TRPM2: variants seen among roughly 807,000 people sequenced by gnomAD.
TRPM2 encodes estrogen-responsive element-associated gene 1 protein.
Under a neutral mutation model 174.0 loss-of-function variants are expected in TRPM2, and 161 were observed. That is an observed-to-expected ratio of 0.93 (90% confidence interval 0.81 to 1.05). TRPM2 has a LOEUF of 1.05. TRPM2 is among the 50% of genes least tolerant of loss of function. The pLI, the probability that TRPM2 is intolerant of heterozygous loss-of-function variation, is 0.00. For synonymous variants in TRPM2, 954 were observed against 861.3 expected (o/e 1.11, Z -1.88); for missense variants, 2,057 against 2,038.0 (o/e 1.01, Z -0.18).
In TRPM2 at chr21:44,440,882, G is replaced by A. The variant is rs779425920; in HGVS notation, c.4363G>A (p.Val1455Met). ...CGTCCACTTCCAGGACCAGAATGACGTGGAGCTGAACAGGCTGAACTCTGT... is the reference window on the plus strand; with the variant it reads ...CGTCCACTTCCAGGACCAGAATGACATGGAGCTGAACAGGCTGAACTCTGT... ...VSVHFQDQNDVELNRLNSNLH... is the reference protein window; with the variant it reads ...VSVHFQDQNDMELNRLNSNLH... Residue 1455 changes from valine to methionine, a missense_variant, in exon 31 of 32, where the codon GTG becomes ATG. Physicochemically the swap from Val to Met is conservative, Grantham distance 21. Transcript: ENST00000397928. The A allele has an allele frequency of 1.2e-5, 19 of 1,613,792 alleles. No individual in the cohort carries two copies. The highest frequency in any genetic ancestry group is 5.0e-5 in the Admixed American group (3 of 60,010).
chr21:44,437,699 C>T (rs2051333652), intron 29 of TRPM2, among the ~76,000 whole-genome samples: 1 of 152,200 alleles, frequency 6.6e-6, no homozygotes, highest in South Asian at 2.1e-4. Context: ...CTGGAGCGCA[C>T]CCCAGCATCT....
rs1469860760 is a variant in TRPM2 at position 44,366,719 on chromosome 21, C to T, written c.424-35C>T. On this transcript the variant is annotated intron_variant, in intron 3 of 31. Transcript: ENST00000397928. This position sits in a 1 kb window ranked among gnomAD's most constrained non-coding sequence, Gnocchi z 6.0. ...TCGGTGCTGTCCCTGACCACTGACACACAGGTTCCCTCCGCCGTTTTCCCT... is the reference window on the plus strand; with the variant it reads ...TCGGTGCTGTCCCTGACCACTGACATACAGGTTCCCTCCGCCGTTTTCCCT... 1 of 1,612,856 alleles carries T rather than the reference C, an allele frequency of 6.2e-7. No homozygotes were observed. Among genetic ancestry groups the T allele is most frequent in the Non-Finnish European group, 8.5e-7 (1 of 1,179,878 alleles).
intron 11 of TRPM2, among the ~76,000 whole-genome samples, chr21:44,393,759 T>G (rs1287090710): frequency 3.1e-5 from 4 of 130,816 alleles, no homozygotes; most frequent in East Asian, 2.2e-4. Flanking sequence ...AAGATCACAT[T>G]TTTTTTTTTT....
intron 11 of TRPM2, among the ~76,000 whole-genome samples, chr21:44,392,820 G>A (rs2838557): frequency 0.27 from 41,704 of 151,936 alleles, 6,633 homozygotes; most frequent in African/African-American, 0.45. Flanking sequence ...GCTGCCCACT[G>A]TGTATGCTGG....
chr21:44,382,415 T>C (rs957613560), intron 8 of TRPM2, among the ~76,000 whole-genome samples: 16 of 152,174 alleles, frequency 1.1e-4, no homozygotes, highest in African/African-American at 3.9e-4. Context: ...AGGAGTGGCC[T>C]GGGCTTAGCA....
intron 5 of TRPM2, among the ~76,000 whole-genome samples, chr21:44,371,929 T>G (rs550883397): frequency 6.6e-6 from 1 of 152,172 alleles, no homozygotes; most frequent in Non-Finnish European, 1.5e-5. Context: ...GGACAAAAGT[T>G]CAAGACCAGC....
chr21:44,399,226 C>T lies in TRPM2; in HGVS notation c.2063-70C>T, dbSNP rs2049527071. 6.4e-7 allele frequency: 1 copy of T among 1,554,304 alleles called. No homozygotes were observed. Among genetic ancestry groups the T allele is most frequent in the Non-Finnish European group, 8.7e-7 (1 of 1,146,302 alleles). Reference sequence around the variant, plus strand: ...GGTGGTGCTGTCCCGAGTGGTTGCCCTCTGACCCGTCCCCAGGGCTCAGTG... The same window carrying T: ...GGTGGTGCTGTCCCGAGTGGTTGCCTTCTGACCCGTCCCCAGGGCTCAGTG... On this transcript the variant is annotated intron_variant, in intron 13 of 31. Transcript: ENST00000397928. The surrounding 1 kb of genome is among the most constrained non-coding windows in gnomAD (Gnocchi z 4.6).
intron 19 of TRPM2, among the ~76,000 whole-genome samples, chr21:44,411,697 C>T (rs181952523): frequency 1.3e-5 from 2 of 152,166 alleles, no homozygotes; most frequent in Admixed American, 6.6e-5. Context: ...AGGGAACAAG[C>T]CTTTCACCAT....
chr21:44,401,647 G>T, intron 15 of TRPM2, 34 bp from the exon 16 acceptor site: 2 of 1,605,668 alleles, frequency 1.2e-6, no homozygotes, highest in Non-Finnish European at 1.7e-6. Context: ...TGGCCCTGGT[G>T]GTCACTGTCT....
rs768914740 is a variant in TRPM2, at chr21:44,439,028, G to A, written c.4168-39G>A. On this transcript the variant is annotated intron_variant, in intron 29 of 31. Coordinates refer to ENST00000397928, the MANE Select transcript of TRPM2 (RefSeq NM_003307.4). The surrounding 1 kb of genome is among the most constrained non-coding windows in gnomAD (Gnocchi z 5.1). ...CCAGGGCAGCCTGAGGTCCCGCTTC[G>A]GTGCCCTGTTGACCTGCCTCCGTCC... 3.0e-5 allele frequency: 47 copies of A among 1,571,538 alleles called. No individual in the cohort carries two copies. Among genetic ancestry groups the A allele is most frequent in the Non-Finnish European group, 2.7e-5 (31 of 1,147,710 alleles).
chr21:44,363,813 T>C (rs1321330729), intron 2 of TRPM2, among the ~76,000 whole-genome samples: 1 of 152,200 alleles, frequency 6.6e-6, no homozygotes, highest in African/African-American at 2.4e-5. Flanking sequence ...TCTTGACATG[T>C]CTATGGTGAA....
In TRPM2 at chr21:44,399,956, A is replaced by C. The variant is rs1487003745; in HGVS notation, c.2209-303A>C. Among the ~76,000 whole-genome samples the C allele has an allele frequency of 6.6e-6, 1 of 152,130 alleles. No individual in the cohort carries two copies. The highest frequency in any genetic ancestry group is 6.5e-5 in the Admixed American group (1 of 15,278). ...TCATGTCCTGGGCTGTGCCAGGCCT[A>C]GGGAGGCCTGGGGAAGGGTCCTGTC... On this transcript the variant is annotated intron_variant, in intron 14 of 31. Transcript: ENST00000397928. This position sits in a 1 kb window ranked among gnomAD's most constrained non-coding sequence, Gnocchi z 4.6.
chr21:44,427,092 G>C lies in TRPM2; in HGVS notation c.3955G>C (p.Val1319Leu). The change falls in exon 27 of 32, where the codon GTG becomes CTG. Residue 1319 changes from valine (V) to leucine (L), a missense_variant. Physicochemically the swap from Val to Leu is conservative, Grantham distance 32 (BLOSUM62 1). Coordinates refer to ENST00000397928, the MANE Select transcript of TRPM2 (RefSeq NM_003307.4). ...DRRSFHGPYT[V>L]QAGLPLNPMG... ...CCGGAGCTTCCACGGGCCGTACACAGTGCAGGCCGGGTTGCCCCTGTGAGT... is the reference window on the plus strand; with the variant it reads ...CCGGAGCTTCCACGGGCCGTACACACTGCAGGCCGGGTTGCCCCTGTGAGT... The C allele has an allele frequency of 6.3e-7, 1 of 1,599,254 alleles. No individual in the cohort carries two copies. The highest frequency in any genetic ancestry group is 1.1e-5 in the South Asian group (1 of 88,562).
intron 2 of TRPM2, among the ~76,000 whole-genome samples, chr21:44,361,032 T>C (rs1306819975): frequency 6.6e-6 from 1 of 152,168 alleles, no homozygotes; most frequent in East Asian, 1.9e-4. Context: ...ATGCCTATCA[T>C]TGTGTCATTT....
chr21:44,379,040 T>C lies in TRPM2; in HGVS notation c.1058T>C (p.Val353Ala), dbSNP rs1043080258. 6.2e-7 allele frequency: 1 copy of C among 1,610,266 alleles called. No homozygotes were observed. ...ATTNGTPCVV[V>A]EGSGRVADVI... is the part of the protein sequence containing the mutation. ...ACCAACGGCACCCCCTGTGTGGTTG[T>C]GGAGGGCTCGGGCCGCGTGGCCGAC... Residue 353 changes from valine to alanine, a missense_variant, in exon 8 of 32, where the codon GTG (valine) becomes GCG (alanine). Coordinates refer to ENST00000397928, the MANE Select transcript of TRPM2 (RefSeq NM_003307.4).
At chr21:44,373,366 T>C (rs1388987250) in intron 5 of TRPM2, among the ~76,000 whole-genome samples, 5 of 152,110 alleles carry the variant, frequency 3.3e-5, no homozygotes, top group African/African-American at 4.8e-5. Context: ...TTTGTATTTT[T>C]AGTAGAGACA....
chr21:44,440,733 C>CG (rs1645861633), intron 30 of TRPM2, 56 bp from the exon 31 acceptor site: 2 of 1,482,252 alleles, frequency 1.3e-6, no homozygotes, highest in Admixed American at 1.7e-5. Context: ...CGAGGTGGGC[C>CG]GGGGCACCGC....
chr21:44,406,630 G>A lies in TRPM2; in HGVS notation c.2827G>A (p.Val943Met). 6.2e-7 allele frequency: 1 copy of A among 1,610,910 alleles called. No homozygotes were observed. The highest frequency in any genetic ancestry group is 1.1e-5 in the South Asian group (1 of 91,018). ...DVFFFLFLLA[V>M]WVVSFGVAKQ... The stretch of plus-strand genomic sequence containing the variant: ...CTTCTTCTTCCTCTTCCTGCTGGCT[G>A]TGTGGGTGGTGTCCTTCGGGGTGGC... Residue 943 changes from valine to methionine, a missense_variant, in exon 19 of 32, where the codon GTG becomes ATG. Val to Met is a conservative substitution (Grantham distance 21). Coordinates refer to ENST00000397928, the MANE Select transcript of TRPM2 (RefSeq NM_003307.4).
chr21:44,357,244 G>A (rs2048085918), intron 2 of TRPM2, among the ~76,000 whole-genome samples: 1 of 152,204 alleles, frequency 6.6e-6, no homozygotes, highest in African/African-American at 2.4e-5. Context: ...AGGCCCCGTG[G>A]GTCTGGGGCC....
Sources: gnomAD v4.1 joint callset for allele counts (sites outside exome capture counted in the v4.1 genomes callset) on GRCh38, gnomAD v4.1.1 for gene constraint, Gnocchi (gnomAD v3.1) non-coding constraint, MANE v1.5 for transcripts, NCBI Gene and HGNC (gene_info 2026-07-23, HGNC 2026-07-21) for gene names.